Variants in CP observed in about 807,000 individuals in gnomAD.
CP encodes the protein caeruloplasmin.
CP carries 64 observed loss-of-function variants against 122.4 expected under a neutral mutation model. The ratio of observed to expected loss-of-function variants is 0.52; its 90% CI spans 0.43 to 0.64. The LOEUF is 0.64. CP is among the 30% of genes least tolerant of loss of function. The pLI is 0.00. For missense variants in CP, 1,167 were observed against 1,284.4 expected, an observed-to-expected ratio of 0.91 and a Z score of 1.40; for synonymous variants, 440 against 436.4, an observed-to-expected ratio of 1.01 and a Z score of -0.10.
rs1726101463 is a variant in CP at position 149,185,446 on chromosome 3, C to T, written c.2078G>A (p.Gly693Glu). The change falls in exon 12 of 19, where the codon GGG (glycine) becomes GAG (glutamate). Residue 693 changes from glycine to glutamate, a missense_variant and splice_region_variant. Physicochemically the swap from Gly to Glu is moderately conservative, Grantham distance 98. Around this residue, in one of 2 missense-constraint regions of CP, gnomAD observed 525 missense variants for 657.2 expected, o/e 0.80. Coordinates refer to ENST00000264613, the MANE Select transcript of CP (RefSeq NM_000096.4). ...TGTAAGGCATTCAACATTAAAAGTC[C>T]CTGGAGTGGTAAATAAGAAAACATG... Reference protein sequence around the residue: ...LTLHMWPDTEGTFNVECLTTD... With the variant: ...LTLHMWPDTEETFNVECLTTD... The T allele has an allele frequency of 6.2e-7, 1 of 1,613,926 alleles. No individual in the cohort carries two copies. The highest frequency in any genetic ancestry group is 8.5e-7 in the Non-Finnish European group (1 of 1,179,976).
downstream of CP, chr3:149,172,074 C>T: frequency 1.2e-6 from 2 of 1,609,922 alleles, no homozygotes; most frequent in Non-Finnish European, 1.7e-6. Context: ...AATTCTAATT[C>T]AGATATTCTT....
At chr3:149,206,391 C>T in intron 5 of CP, 52 bp from the exon 6 acceptor site, 2 of 1,600,584 alleles carry the variant, frequency 1.2e-6, no homozygotes, top group Non-Finnish European at 8.6e-7. Flanking sequence ...GTTTCTCTCT[C>T]CTATTGCCCT....
chr3:149,179,128 G>A (rs1016698672), intron 15 of CP, among the ~76,000 whole-genome samples: 7 of 152,108 alleles, frequency 4.6e-5, no homozygotes. Context: ...ATCTATAACC[G>A]ACTCCATTTC....
chr3:149,162,535 T>C (rs756851210), exon 6 of CP: 1 of 990,534 alleles, frequency 1.0e-6, no homozygotes, highest in South Asian at 1.4e-5. Flanking sequence ...CTGTTTCCTT[T>C]TAAAAATGTC....
At chr3:149,168,127 C>T (rs565470224), downstream of CP, 26 of 641,746 alleles carry the variant, frequency 4.1e-5, no homozygotes, top group East Asian at 1.1e-4. Flanking sequence ...TCAGCATTCA[C>T]GTACCCTCCC....
intron 6 of CP, among the ~76,000 whole-genome samples, chr3:149,202,525 T>C (rs937367576): frequency 6.6e-6 from 1 of 152,076 alleles, no homozygotes; most frequent in Admixed American, 6.6e-5. Context: ...CAAAGGATTC[T>C]ACCATAGAAT....
intron 3 of CP, 93 bp from the exon 4 acceptor site, chr3:149,209,477 G>A (rs1727964326): frequency 7.6e-7 from 1 of 1,317,514 alleles, no homozygotes; most frequent in African/African-American, 1.5e-5. Flanking sequence ...AAAAATGTTA[G>A]TATTTATTTT....
At chr3:149,165,401 T>C (rs1296849437) in intron 5 of CP, among the ~76,000 whole-genome samples, 1 of 152,242 alleles carries the variant, frequency 6.6e-6, no homozygotes, top group Admixed American at 6.5e-5. Flanking sequence ...AAATATTTGC[T>C]ATTAAAGGAG....
intron 1 of CP, among the ~76,000 whole-genome samples, chr3:149,216,571 G>C (rs1323118912): frequency 2.0e-5 from 3 of 152,050 alleles, no homozygotes; most frequent in Non-Finnish European, 4.4e-5. Flanking sequence ...ATTTCTTCTG[G>C]GAGCCACTTT....
At chr3:149,220,652 ATGT>A (rs1251559907) in intron 1 of CP, among the ~76,000 whole-genome samples, 1 of 152,134 alleles carries the variant, frequency 6.6e-6, no homozygotes, top group East Asian at 1.9e-4. Context: ...ACTTTACATA[ATGT>A]TAAAGAAAAT....
At chr3:149,199,618 A>T in intron 8 of CP, 94 bp downstream of exon 8, 1 of 1,450,206 alleles carries the variant, frequency 6.9e-7, no homozygotes, top group Non-Finnish European at 9.7e-7. Context: ...TTTCCTTGGG[A>T]GTTCCTGCCT....
rs906980727 is a variant in CP, at chr3:149,221,703, T to A, written c.90A>T (p.Glu30Asp). The A allele has an allele frequency of 1.2e-6, 2 of 1,611,424 alleles. No individual in the cohort carries two copies. Among genetic ancestry groups the A allele is most frequent in the Non-Finnish European group, 1.7e-6 (2 of 1,178,894 alleles). Reference sequence around the variant, plus strand: ...GGTCAGAGGCATAATCCCAAGTCGTTTCAATAATTCCAATGTAATAATGCT... The same window carrying A: ...GGTCAGAGGCATAATCCCAAGTCGTATCAATAATTCCAATGTAATAATGCT... ...KEKHYYIGII[E>D]TTWDYASDHG... The change falls in exon 1 of 19, where the codon GAA becomes GAT. Residue 30 changes from glutamate to aspartate, a missense_variant. By Grantham distance (45) the Glu-to-Asp change is conservative. Coordinates refer to ENST00000264613, the MANE Select transcript of CP (RefSeq NM_000096.4).
intron 14 of CP, 49 bp from the exon 15 acceptor site, chr3:149,179,711 TACACACACACACACACACACACACAC>T (rs71304221): frequency 6.9e-5 from 42 of 609,064 alleles, no homozygotes; most frequent in Non-Finnish European, 1.2e-4. Flanking sequence ...GTTTATATTG[TACACACACACACACACACACACACAC>T]ACACACACAC....
chr3:149,203,801 G>A (rs1477721905), intron 6 of CP, among the ~76,000 whole-genome samples: 1 of 152,230 alleles, frequency 6.6e-6, no homozygotes, highest in East Asian at 1.9e-4. Flanking sequence ...CCTTGTCCAC[G>A]TGGACCTTAC....
chr3:149,178,529 C>G lies in CP; in HGVS notation c.2764G>C (p.Val922Leu). The G allele has an allele frequency of 6.2e-7, 1 of 1,612,946 alleles. No individual in the cohort carries two copies. ...RKLEFALLFL[V>L]FDENESWYLD... ...TACCAAGATTCATTCTCATCAAAAACTAGAAACAGAAGGGCAAATTCCAGT... is the reference window on the plus strand; with the variant it reads ...TACCAAGATTCATTCTCATCAAAAAGTAGAAACAGAAGGGCAAATTCCAGT... Residue 922 changes from valine to leucine, a missense_variant, in exon 16 of 19, where the codon GTT becomes CTT. Transcript: ENST00000264613.
chr3:149,182,151 G>A lies in CP; in HGVS notation c.2426-18C>T, dbSNP rs1263803992. 6.2e-7 allele frequency: 1 copy of A among 1,613,846 alleles called. No homozygotes were observed. Among genetic ancestry groups the A allele is most frequent in the Non-Finnish European group, 8.5e-7 (1 of 1,179,838 alleles). On this transcript the variant is annotated intron_variant, in intron 13 of 18. Transcript: ENST00000264613. ...TTGTGGACCTGGCAAAAGTGAAGAG[G>A]AAGAGTGTCCAATCAGAAGGTCTAA...
intron 3 of CP, among the ~76,000 whole-genome samples, chr3:149,209,958 C>A (rs1727997130): frequency 6.6e-6 from 1 of 152,134 alleles, no homozygotes. Flanking sequence ...ACATTACCTT[C>A]ATTGGCATTT....
intron 7 of CP, among the ~76,000 whole-genome samples, chr3:149,201,225 G>A (rs918521820): frequency 6.6e-6 from 1 of 152,066 alleles, no homozygotes; most frequent in Non-Finnish European, 1.5e-5. Flanking sequence ...CCGAGTTCAC[G>A]CCATTCTCCT....
chr3:149,184,025 C>CTTT lies in CP; in HGVS notation c.2286-421_2286-420insAAA, dbSNP rs1559939313. Among the ~76,000 whole-genome samples, 144 of 66,316 alleles carry CTTT rather than the reference C, an allele frequency of 2.2e-3. 7 individuals carry two copies. Among genetic ancestry groups the CTTT allele is most frequent in the Non-Finnish European group, 3.3e-3 (98 of 29,522 alleles). 43.5% of individuals were successfully genotyped at this position (66,316 alleles called of 152,430 possible). A position where few individuals can be genotyped will look rare whatever the true frequency, so the allele number is the denominator to read the frequency against. ...TTCCCAGGCATTCCCTTTTCACTTA[C>CTTT]TTCTTTTTTTTTTTTTTTTTTTTTT... On this transcript the variant is annotated intron_variant, in intron 12 of 18. Coordinates refer to ENST00000264613, the MANE Select transcript of CP (RefSeq NM_000096.4).
Sources: gnomAD v4.1 joint callset for allele counts (sites outside exome capture counted in the v4.1 genomes callset) on GRCh38, gnomAD v4.1.1 for gene constraint, gnomAD v4.1.1 regional missense constraint, MANE v1.5 for transcripts, NCBI Gene and HGNC (gene_info 2026-07-23, HGNC 2026-07-21) for gene names.